The following ZSWIM5 variants were observed in gnomAD, a reference collection of about 807,000 sequenced individuals.
The protein encoded by ZSWIM5 is zinc finger SWIM domain-containing protein 5.
Under a neutral mutation model 119.6 loss-of-function variants are expected in ZSWIM5, and 55 were observed. The ratio of observed to expected loss-of-function variants is 0.46; its 90% CI spans 0.37 to 0.58. The LOEUF (loss-of-function observed/expected upper bound fraction) is 0.58, where lower values mean the gene tolerates loss of function less well. ZSWIM5 is among the 20% of genes least tolerant of loss of function. The pLI is 0.00. For synonymous variants in ZSWIM5, 537 were observed against 606.9 expected (o/e 0.88, Z 1.69); for missense variants, 1,193 against 1,512.8 (o/e 0.79, Z 3.51).
At chr1:45,146,003 A>G (rs1179076521) in intron 1 of ZSWIM5, among the ~76,000 whole-genome samples, 1 of 152,310 alleles carries the variant, frequency 6.6e-6, no homozygotes, top group Non-Finnish European at 1.5e-5. Flanking sequence ...TTCAAGTAAG[A>G]AAAGGACTGA....
chr1:45,185,144 T>A (rs993859307), intron 1 of ZSWIM5, among the ~76,000 whole-genome samples: 3 of 152,030 alleles, frequency 2.0e-5, no homozygotes, highest in Admixed American at 1.3e-4. Flanking sequence ...AAACAAGCAA[T>A]GGGGAAAGGA....
chr1:45,096,940 C>A (rs1049606315), intron 1 of ZSWIM5, among the ~76,000 whole-genome samples: 2 of 152,162 alleles, frequency 1.3e-5, no homozygotes, highest in South Asian at 4.1e-4. Context: ...GCTTTCTTTG[C>A]CTTCAACGTG....
intron 1 of ZSWIM5, among the ~76,000 whole-genome samples, chr1:45,089,817 A>T (rs1012105778): frequency 1.3e-5 from 2 of 151,260 alleles, no homozygotes; most frequent in East Asian, 3.9e-4. Flanking sequence ...TACACAAAAT[A>T]AAAAAAAAGT....
intron 2 of ZSWIM5, among the ~76,000 whole-genome samples, chr1:45,080,142 T>C (rs985037515): frequency 2.6e-5 from 4 of 152,184 alleles, no homozygotes; most frequent in African/African-American, 9.6e-5. Flanking sequence ...GGTGTCTCAG[T>C]AGGTCACATG....
chr1:45,160,642 T>G (rs1174595431), intron 1 of ZSWIM5, among the ~76,000 whole-genome samples: 1 of 150,218 alleles, frequency 6.7e-6, no homozygotes, highest in Non-Finnish European at 1.5e-5. Context: ...TATTTCATTG[T>G]GTATATATGT....
chr1:45,115,539 G>A (rs1349157153), intron 1 of ZSWIM5, among the ~76,000 whole-genome samples: 1 of 150,270 alleles, frequency 6.7e-6, no homozygotes, highest in Non-Finnish European at 1.5e-5. Context: ...CATCCCAGAC[G>A]GGGCGCGGGG....
At chr1:45,205,725 A>T in intron 1 of ZSWIM5, 31 bp downstream of exon 1, 1 of 1,518,022 alleles carries the variant, frequency 6.6e-7, no homozygotes, top group Non-Finnish European at 8.8e-7. Context: ...GAGGAGGCTG[A>T]GGACCCGAGA....
intron 2 of ZSWIM5, among the ~76,000 whole-genome samples, chr1:45,062,225 G>A (rs1037272900): frequency 1.3e-5 from 2 of 152,128 alleles, no homozygotes; most frequent in African/African-American, 4.8e-5. Context: ...ATACTCTATA[G>A]GTGTGGTCAT....
intron 1 of ZSWIM5, among the ~76,000 whole-genome samples, chr1:45,138,022 T>C (rs1345041283): frequency 1.3e-5 from 2 of 152,152 alleles, no homozygotes; most frequent in Admixed American, 1.3e-4. Context: ...GTTCCTCCAA[T>C]ACTGGGGTTT....
intron 1 of ZSWIM5, among the ~76,000 whole-genome samples, chr1:45,146,357 C>T (rs1226262657): frequency 1.3e-5 from 1 of 79,486 alleles, no homozygotes; most frequent in African/African-American, 4.9e-5. Flanking sequence ...AAAACAAAAG[C>T]AAATATCATG....
intron 1 of ZSWIM5, among the ~76,000 whole-genome samples, chr1:45,177,723 C>A (rs887213489): frequency 6.6e-6 from 1 of 152,058 alleles, no homozygotes; most frequent in African/African-American, 2.4e-5. Context: ...TTTTCTCTCA[C>A]TCTTGCTTCC....
intron 1 of ZSWIM5, among the ~76,000 whole-genome samples, chr1:45,129,102 C>G (rs1237112054): frequency 1.4e-5 from 2 of 143,948 alleles, no homozygotes; most frequent in African/African-American, 5.2e-5. Context: ...TTATTTAGGT[C>G]TTCTTTGATT....
intron 2 of ZSWIM5, chr1:45,070,429 T>C (rs1645215002): frequency 2.2e-6 from 3 of 1,359,664 alleles, no homozygotes; most frequent in Admixed American, 3.7e-5. Flanking sequence ...AAAGTCTCCA[T>C]GTTGGTGGCA....
intron 6 of ZSWIM5, 62 bp from the exon 7 acceptor site, chr1:45,040,600 C>T: frequency 6.8e-7 from 1 of 1,471,440 alleles, no homozygotes; most frequent in Non-Finnish European, 9.1e-7. Flanking sequence ...AAATTTATAC[C>T]TGACAAAGAG....
intron 2 of ZSWIM5, among the ~76,000 whole-genome samples, chr1:45,061,220 A>G (rs1645150182): frequency 6.6e-6 from 1 of 152,196 alleles, no homozygotes; most frequent in African/African-American, 2.4e-5. Flanking sequence ...TAATGTGACA[A>G]GCACTCTGAA....
In ZSWIM5 at chr1:45,019,214, A is replaced by G. The variant is rs767217345; in HGVS notation, c.2798T>C (p.Ile933Thr). 3.1e-5 allele frequency: 50 copies of G among 1,613,518 alleles called. No individual in the cohort carries two copies. Among genetic ancestry groups the G allele is most frequent in the Admixed American group, 3.3e-5 (2 of 60,008 alleles). The change falls in exon 14 of 14, where the codon ATC (isoleucine) becomes ACC (threonine). Residue 933 changes from isoleucine (I) to threonine (T), a missense_variant. By Grantham distance (89) the Ile-to-Thr change is moderately conservative. This residue lies in a region of ZSWIM5 where 961 missense variants were observed against 1,290.0 expected (regional missense o/e 0.74). Coordinates refer to ENST00000359600, the MANE Select transcript of ZSWIM5 (RefSeq NM_020883.2). The surrounding 1 kb of genome is among the most constrained non-coding windows in gnomAD (Gnocchi z 5.0). ...VAATAVSHTT[I>T]LRLSLDYPQR... Reference sequence around the variant, plus strand: ...TGGATAGTCAAGACTGAGGCGCAGGATAGTGGTGTGGGATACGGCTGTGGC... The same window carrying G: ...TGGATAGTCAAGACTGAGGCGCAGGGTAGTGGTGTGGGATACGGCTGTGGC...
At chr1:45,047,131 G>A (rs1056391175) in intron 5 of ZSWIM5, among the ~76,000 whole-genome samples, 6 of 151,996 alleles carry the variant, frequency 3.9e-5, no homozygotes, top group African/African-American at 1.2e-4. Flanking sequence ...TCGAAGGAAC[G>A]GTCAATGAAC....
chr1:45,060,342 G>T, intron 2 of ZSWIM5, 95 bp from the exon 3 acceptor site: 1 of 1,301,382 alleles, frequency 7.7e-7, no homozygotes, highest in Non-Finnish European at 1.1e-6. Flanking sequence ...AAACAGAGAT[G>T]GGTCATTCTG....
chr1:45,178,144 C>T (rs908134736), intron 1 of ZSWIM5, among the ~76,000 whole-genome samples: 5 of 151,986 alleles, frequency 3.3e-5, no homozygotes, highest in East Asian at 1.9e-4. Context: ...AGACAAATGG[C>T]GCCGGGCACA....
Sources: gnomAD v4.1 joint callset for allele counts (sites outside exome capture counted in the v4.1 genomes callset) on GRCh38, gnomAD v4.1.1 for gene constraint, gnomAD v4.1.1 regional missense constraint, Gnocchi (gnomAD v3.1) non-coding constraint, MANE v1.5 for transcripts, NCBI Gene and HGNC (gene_info 2026-07-23, HGNC 2026-07-21) for gene names.